The following GARRE1 variants were observed in gnomAD, a reference collection of about 807,000 sequenced individuals.
The protein encoded by GARRE1 is granule associated Rac and RHOG effector protein 1.
Under a neutral mutation model 103.2 loss-of-function variants are expected in GARRE1, and 49 were observed. The observed-to-expected ratio is 0.47, with a 90% CI of 0.38 to 0.60. GARRE1 has a LOEUF of 0.60. Ranked by LOEUF, GARRE1 falls within the 20% of genes least tolerant of loss-of-function variation. The pLI is 0.00. For synonymous variants in GARRE1, 505 were observed against 532.8 expected, an observed-to-expected ratio of 0.95 and a Z score of 0.72; for missense variants, 1,199 against 1,370.5, an observed-to-expected ratio of 0.87 and a Z score of 1.98.
At chr19:34,338,362 C>G (rs34065914) in intron 8 of GARRE1, among the ~76,000 whole-genome samples, 19,015 of 152,056 alleles carry the variant, frequency 0.13, 1,466 homozygotes, top group African/African-American at 0.21. Context: ...ATAGCGAGAC[C>G]CCATCTCTAC....
Position 34,342,139 on chromosome 19 carries a change from A to G in GARRE1, c.2205A>G (p.Gln735=), listed in dbSNP as rs2074189286. ...AACAACCTCAAGTCCAATACTACCA[A>G]CACCTACTCCAGCCCATTGGACCGC... is the stretch of plus-strand genomic sequence containing the variant. The part of the protein sequence containing the change: ...KQQQPQVQYY[Q]HLLQPIGPQQ... Residue 735 remains glutamine (Q), a synonymous_variant, in exon 10 of 14, where the codon CAA becomes CAG. Transcript: ENST00000299505. The G allele has an allele frequency of 4.3e-6, 7 of 1,613,928 alleles. No individual in the cohort carries two copies. In the South Asian group the frequency reaches 7.7e-5, roughly 18 times the overall value.
In GARRE1 at chr19:34,340,225, T is replaced by G. The variant is rs374868846; in HGVS notation, c.1487+233T>G. On this transcript the variant is annotated intron_variant, in intron 9 of 13. Transcript: ENST00000299505. ...CCCCTATTTGCTAACTTTTTTGCCTTCCTTTATTTTGTCATTTGAGAGGAA... is the reference window on the plus strand; with the variant it reads ...CCCCTATTTGCTAACTTTTTTGCCTGCCTTTATTTTGTCATTTGAGAGGAA... 1.1e-4 allele frequency among the ~76,000 whole-genome samples: 16 copies of G among 152,338 alleles called. No individual in the cohort carries two copies. The East Asian group carries it at 2.1e-3, about 20-fold the overall frequency.
Position 34,342,097 on chromosome 19 carries a change from G to A in GARRE1, c.2163G>A (p.Gln721=). The A allele has an allele frequency of 6.2e-7, 1 of 1,614,154 alleles. No individual in the cohort carries two copies. The highest frequency in any genetic ancestry group is 1.3e-5 in the African/African-American group (1 of 75,054). The change falls in exon 10 of 14, where the codon CAG becomes CAA. Residue 721 remains glutamine (Q), a synonymous_variant. Coordinates refer to ENST00000299505, the MANE Select transcript of GARRE1 (RefSeq NM_014686.5). ...LTPQPGLAPQ[Q]QSPKQQQPQV... is the part of the protein sequence containing the mutation. ...CCCAGCCGGGACTGGCACCTCAGCAGCAGTCCCCAAAGCAGCAACAACCTC... is the reference window on the plus strand; with the variant it reads ...CCCAGCCGGGACTGGCACCTCAGCAACAGTCCCCAAAGCAGCAACAACCTC...
In GARRE1 at chr19:34,299,930, G is replaced by A. The variant is rs935227475; in HGVS notation, c.-544G>A. Reference sequence around the variant, plus strand: ...CATAGAAGCAGCCTTACAGGTAAACGGATTTGACGGGCAGGCTCTGTCAAA... The same window carrying A: ...CATAGAAGCAGCCTTACAGGTAAACAGATTTGACGGGCAGGCTCTGTCAAA... On this transcript the variant is annotated 5_prime_UTR_variant, in exon 2 of 14. Transcript: ENST00000299505. 4 of 152,200 alleles carry A rather than the reference G, an allele frequency of 2.6e-5. No individual in the cohort carries two copies. Among genetic ancestry groups the A allele is most frequent in the Non-Finnish European group, 4.4e-5 (3 of 68,058 alleles). The allele number at this position is 152,200 out of a possible 1,614,324, so 9.4% of individuals were successfully genotyped here. A position where few individuals can be genotyped will look rare whatever the true frequency, so the allele number is the denominator to read the frequency against.
At position 34,268,896 on chromosome 19, in the gene GARRE1, C is replaced by T. The variant is rs562722578; in HGVS notation, c.-796+14282C>T. On this transcript the variant is annotated intron_variant, in intron 1 of 13. Transcript: ENST00000299505. ...TAGTGACTGTTTAAAAAAAGTTACG[C>T]ATTGATCTTCCTGTTCCTTCCCCAC... 9.2e-5 allele frequency among the ~76,000 whole-genome samples: 14 copies of T among 152,300 alleles called. No homozygotes were observed. In the South Asian group the frequency reaches 2.9e-3, roughly 32 times the overall value.
intron 1 of GARRE1, among the ~76,000 whole-genome samples, chr19:34,282,382 C>G (rs2073860771): frequency 6.6e-6 from 1 of 152,114 alleles, no homozygotes; most frequent in South Asian, 2.1e-4. Flanking sequence ...GAACTCCTGA[C>G]CTTGTGATCT....
intron 2 of GARRE1, among the ~76,000 whole-genome samples, chr19:34,312,235 G>A (rs1012388720): frequency 6.6e-6 from 1 of 152,142 alleles, no homozygotes; most frequent in African/African-American, 2.4e-5. Context: ...ATAGTAGTTT[G>A]GAATAGAAGG....
At chr19:34,339,840 G>A in intron 8 of GARRE1, 27 bp from the exon 9 acceptor site, 1 of 1,613,802 alleles carries the variant, frequency 6.2e-7, no homozygotes, top group South Asian at 1.1e-5. Context: ...ATGCAGCCAA[G>A]ACTAATGCAG....
At position 34,327,796 on chromosome 19, in the gene GARRE1, T is replaced by TG; in HGVS notation, c.872_873insG (p.Gly292ArgfsTer4). 1 of 1,614,174 alleles carries TG rather than the reference T, an allele frequency of 6.2e-7. No homozygotes were observed. ...GCATATAAGATAGCTCTGGAAAGCT[T>TG]AGGACACTGTGAATATGCAATGAAA... On this transcript the variant is annotated frameshift_variant, in exon 5 of 14. Coordinates refer to ENST00000299505, the MANE Select transcript of GARRE1 (RefSeq NM_014686.5). LOFTEE classifies it high-confidence loss of function.
chr19:34,264,599 T>C (rs1053789319), intron 1 of GARRE1, among the ~76,000 whole-genome samples: 8 of 152,060 alleles, frequency 5.3e-5, no homozygotes, highest in African/African-American at 9.7e-5. Context: ...GGGGTTTCAC[T>C]GTGTTAGCCA....
chr19:34,343,618 A>G (rs2074197120), intron 10 of GARRE1, among the ~76,000 whole-genome samples: 1 of 151,536 alleles, frequency 6.6e-6, no homozygotes, highest in Admixed American at 6.6e-5. Flanking sequence ...AGGCTGAGGT[A>G]GGCAGATTGC....
intron 3 of GARRE1, among the ~76,000 whole-genome samples, chr19:34,324,151 C>T (rs2074101580): frequency 6.6e-6 from 1 of 152,184 alleles, no homozygotes; most frequent in African/African-American, 2.4e-5. Flanking sequence ...CCCTCATCCT[C>T]AGCCTGTTCC....
intron 1 of GARRE1, among the ~76,000 whole-genome samples, chr19:34,270,410 A>C (rs190320905): frequency 1.0e-3 from 157 of 152,322 alleles, no homozygotes; most frequent in Non-Finnish European, 1.2e-3. Context: ...TTTTTTCAGC[A>C]GTAACAATGT....
intron 3 of GARRE1, among the ~76,000 whole-genome samples, chr19:34,325,353 CA>C (rs1410897140): frequency 1.3e-5 from 2 of 152,154 alleles, no homozygotes; most frequent in East Asian, 3.9e-4. Context: ...CCCCTGAGCT[CA>C]GCTGCTACCG....
intron 1 of GARRE1, among the ~76,000 whole-genome samples, chr19:34,297,899 T>G (rs1231100244): frequency 6.6e-6 from 1 of 152,204 alleles, no homozygotes; most frequent in Non-Finnish European, 1.5e-5. Flanking sequence ...TTTATTGACT[T>G]TATATGTTAT....
intron 1 of GARRE1, among the ~76,000 whole-genome samples, chr19:34,266,733 A>G (rs1019899571): frequency 1.3e-5 from 2 of 152,156 alleles, no homozygotes; most frequent in East Asian, 1.9e-4. Context: ...GTTATAATTT[A>G]TTGATAGAAT....
intron 2 of GARRE1, among the ~76,000 whole-genome samples, chr19:34,302,736 G>GT (rs35460135): frequency 0.012 from 1,499 of 128,954 alleles, 23 homozygotes; most frequent in African/African-American, 0.037. Context: ...GTCTTTGATA[G>GT]TTTTTTTTTT....
At chr19:34,338,258 A>G (rs2074169801) in intron 8 of GARRE1, among the ~76,000 whole-genome samples, 1 of 152,138 alleles carries the variant, frequency 6.6e-6, no homozygotes, top group Non-Finnish European at 1.5e-5. Context: ...GCTCTTGGCC[A>G]GACCAAGTGG....
intron 8 of GARRE1, among the ~76,000 whole-genome samples, chr19:34,334,275 C>T (rs1568309322): frequency 6.6e-6 from 1 of 151,860 alleles, no homozygotes; most frequent in Non-Finnish European, 1.5e-5. Flanking sequence ...ATTTGTAACA[C>T]TTATAATAGA....
Sources: gnomAD v4.1 joint callset for allele counts (sites outside exome capture counted in the v4.1 genomes callset) on GRCh38, gnomAD v4.1.1 for gene constraint, MANE v1.5 for transcripts, NCBI Gene and HGNC (gene_info 2026-07-23, HGNC 2026-07-21) for gene names.